The following ATP1B3 variants were observed in gnomAD, a reference collection of about 807,000 sequenced individuals.
The protein encoded by ATP1B3 is sodium/potassium-transporting ATPase subunit beta-3.
Under a neutral mutation model 30.2 loss-of-function variants are expected in ATP1B3, and 10 were observed. The ratio of observed to expected loss-of-function variants is 0.33; its 90% CI spans 0.20 to 0.56. ATP1B3 has a LOEUF of 0.56. Ranked by LOEUF, ATP1B3 falls within the 20% of genes least tolerant of loss-of-function variation. The pLI, the probability that ATP1B3 is intolerant of heterozygous loss-of-function variation, is 0.90. For missense variants in ATP1B3, 238 were observed against 336.7 expected (o/e 0.71, Z 2.29); for synonymous variants, 113 against 117.0 (o/e 0.97, Z 0.22).
At chr3:141,922,942 G>T (rs1043955463) in intron 6 of ATP1B3, among the ~76,000 whole-genome samples, 28 of 152,024 alleles carry the variant, frequency 1.8e-4, no homozygotes, top group African/African-American at 5.3e-4. Context: ...CTCCAGCCTG[G>T]GCAACAGAGC....
At position 141,903,606 on chromosome 3, in the gene ATP1B3, A is replaced by G. The variant is rs374670195; in HGVS notation, c.110-14A>G. ...CGCACGTGCACATTTCATAAGTTTT[A>G]TTTTCTTTTACAGGTTTGATCTTGC... On this transcript the variant is annotated splice_polypyrimidine_tract_variant and intron_variant, in intron 1 of 6. Transcript: ENST00000286371. 1.7e-5 allele frequency: 27 copies of G among 1,612,716 alleles called. No homozygotes were observed. Among genetic ancestry groups the G allele is most frequent in the Non-Finnish European group, 2.0e-5 (24 of 1,179,238 alleles).
intron 3 of ATP1B3, among the ~76,000 whole-genome samples, chr3:141,912,702 G>T (rs62283104): frequency 6.6e-6 from 1 of 152,110 alleles, no homozygotes; most frequent in Non-Finnish European, 1.5e-5. Context: ...TTAATTGAGG[G>T]CAGGGGTCAC....
At chr3:141,921,764 C>A in intron 5 of ATP1B3, 1 of 379,148 alleles carries the variant, frequency 2.6e-6, no homozygotes, top group Non-Finnish European at 4.7e-6. Context: ...GTGTAAGTAT[C>A]AGGATAGTTC....
At chr3:141,904,761 G>C (rs1934233955) in intron 2 of ATP1B3, among the ~76,000 whole-genome samples, 1 of 141,512 alleles carries the variant, frequency 7.1e-6, no homozygotes, top group African/African-American at 2.7e-5. Flanking sequence ...CTAGGCTGGA[G>C]TGCAATGGTG....
rs1284456201 is a variant in ATP1B3 at position 141,914,743 on chromosome 3, A to G, written c.531+907A>G. On this transcript the variant is annotated intron_variant, in intron 4 of 6. Coordinates refer to ENST00000286371, the MANE Select transcript of ATP1B3 (RefSeq NM_001679.4). ...CATCCCTAATAAAAGTAAAATTTGG[A>G]TCTTTTGAAGTTGGCACTGCTAAAT... is the stretch of plus-strand genomic sequence containing the variant. Among the ~76,000 whole-genome samples the G allele has an allele frequency of 2.0e-5, 3 of 152,192 alleles. No homozygotes were observed. The East Asian group carries it at 5.8e-4, about 29-fold the overall frequency.
intron 1 of ATP1B3, among the ~76,000 whole-genome samples, chr3:141,903,368 T>C (rs182710128): frequency 1.3e-5 from 2 of 152,176 alleles, no homozygotes; most frequent in Admixed American, 1.3e-4. Flanking sequence ...AGAGTATGAA[T>C]GGTGGAAGCT....
intron 6 of ATP1B3, among the ~76,000 whole-genome samples, chr3:141,925,058 G>A (rs1280248315): frequency 6.6e-6 from 1 of 152,022 alleles, no homozygotes; most frequent in Non-Finnish European, 1.5e-5. Flanking sequence ...TGAGCTCAGG[G>A]GCATGAGCTG....
chr3:141,916,382 G>T (rs1934464038), intron 5 of ATP1B3: 4 of 471,560 alleles, frequency 8.5e-6, no homozygotes, highest in Middle Eastern at 3.2e-4. Flanking sequence ...ATAGTTAGTT[G>T]GCGTGCTAGT....
intron 6 of ATP1B3, 90 bp downstream of exon 6, chr3:141,922,153 C>G: frequency 1.4e-6 from 1 of 722,254 alleles, no homozygotes; most frequent in Non-Finnish European, 2.3e-6. Flanking sequence ...TAGGTAGACG[C>G]CAGCCCTGTT....
Position 141,916,460 on chromosome 3 carries a change from C to T in ATP1B3, c.582+440C>T. 1.5e-5 allele frequency: 12 copies of T among 815,396 alleles called. 1 individual carries two copies. Among genetic ancestry groups the T allele is most frequent in the Non-Finnish European group, 2.2e-5 (12 of 555,814 alleles). The allele number at this position is 815,396 out of a possible 1,614,324, so 50.5% of individuals were successfully genotyped here. ...CTTAAGGTAGAAGCATTATTTATCT[C>T]CCCTATCCCTACTTACTTTTTTTTC... is the stretch of plus-strand genomic sequence containing the variant. On this transcript the variant is annotated intron_variant, in intron 5 of 6. Transcript: ENST00000286371.
intron 1 of ATP1B3, among the ~76,000 whole-genome samples, chr3:141,889,952 A>G (rs900566490): frequency 6.0e-5 from 9 of 151,008 alleles, no homozygotes; most frequent in Non-Finnish European, 8.8e-5. Context: ...CAATCATACA[A>G]AAATATTGTG....
At chr3:141,918,101 G>A (rs1159530546) in intron 5 of ATP1B3, among the ~76,000 whole-genome samples, 2 of 152,066 alleles carry the variant, frequency 1.3e-5, no homozygotes, top group African/African-American at 4.8e-5. Context: ...TAAAAATCTA[G>A]TGGGCAGCAT....
At chr3:141,889,391 T>C (rs903632708) in intron 1 of ATP1B3, among the ~76,000 whole-genome samples, 2 of 152,130 alleles carry the variant, frequency 1.3e-5, no homozygotes, top group African/African-American at 4.8e-5. Context: ...TAGGATAAAC[T>C]GAGAAATGGA....
At chr3:141,887,930 C>A (rs1001115282) in intron 1 of ATP1B3, among the ~76,000 whole-genome samples, 1 of 152,102 alleles carries the variant, frequency 6.6e-6, no homozygotes, top group Non-Finnish European at 1.5e-5. Flanking sequence ...TAGGAAGGGA[C>A]GTGACGGAAC....
chr3:141,913,542 T>A, intron 3 of ATP1B3, 110 bp from the exon 4 acceptor site: 2 of 917,552 alleles, frequency 2.2e-6, no homozygotes. Context: ...TCTGGTAATT[T>A]ACATTGCTGT....
At chr3:141,920,248 A>G (rs978705572) in intron 5 of ATP1B3, among the ~76,000 whole-genome samples, 10 of 152,016 alleles carry the variant, frequency 6.6e-5, no homozygotes, top group Admixed American at 2.6e-4. Flanking sequence ...AAAGGAGGGA[A>G]GTGTAAGCTA....
intron 1 of ATP1B3, among the ~76,000 whole-genome samples, chr3:141,888,759 C>A (rs923829477): frequency 6.6e-6 from 1 of 152,078 alleles, no homozygotes; most frequent in East Asian, 1.9e-4. Context: ...GAGTAAGTCT[C>A]ATGAGATCTG....
Position 141,908,787 on chromosome 3 carries a change from C to G in ATP1B3, c.346+1513C>G, listed in dbSNP as rs1326739470. ...TACCTTTTTCCTTACAACTCACTCT[C>G]TTCATATAACCTGATTTCTTGCTTC... On this transcript the variant is annotated intron_variant, in intron 3 of 6. Coordinates refer to ENST00000286371, the MANE Select transcript of ATP1B3 (RefSeq NM_001679.4). Among the ~76,000 whole-genome samples, 4 of 152,300 alleles carry G rather than the reference C, an allele frequency of 2.6e-5. No homozygotes were observed. In the East Asian group the frequency reaches 7.7e-4, roughly 29 times the overall value.
At chr3:141,922,498 C>A (rs1010491823) in intron 6 of ATP1B3, among the ~76,000 whole-genome samples, 1 of 151,342 alleles carries the variant, frequency 6.6e-6, no homozygotes, top group African/African-American at 2.4e-5. Flanking sequence ...ACTAAAAATA[C>A]AAAAATTAGC....
Sources: gnomAD v4.1 joint callset for allele counts (sites outside exome capture counted in the v4.1 genomes callset) on GRCh38, gnomAD v4.1.1 for gene constraint, MANE v1.5 for transcripts, NCBI Gene and HGNC (gene_info 2026-07-23, HGNC 2026-07-21) for gene names.